Variants in NUS1 observed in about 807,000 individuals in gnomAD.
NUS1 encodes NUS1 dehydrodolichyl diphosphate synthase subunit.
For missense variants in NUS1, 292 were observed against 382.9 expected (o/e 0.76, Z 1.98); for synonymous variants, 135 against 155.2 (o/e 0.87, Z 0.97).
Position 117,694,050 on chromosome 6 carries a change from A to T in NUS1, c.561A>T (p.Ala187=), listed in dbSNP as rs767054326. 28 of 1,604,832 alleles carry T rather than the reference A, an allele frequency of 1.7e-5. No individual in the cohort carries two copies. In the East Asian group the frequency reaches 6.3e-4, roughly 36 times the overall value. The part of the protein sequence containing the change: ...KDDQVLNCHL[A]VKVLSPEDGK... ...TTCCAGTTTTAAATTGCCATTTGGC[A>T]GTGAAGGTGCTGTCTCCGGAAGATG... The change falls in exon 3 of 5, where the codon GCA becomes GCT. Residue 187 remains alanine (A), a synonymous_variant. Transcript: ENST00000368494.
At chr6:117,677,917 A>T (rs1773007309) in intron 1 of NUS1, among the ~76,000 whole-genome samples, 1 of 152,216 alleles carries the variant, frequency 6.6e-6, no homozygotes, top group Non-Finnish European at 1.5e-5. Context: ...TGGTGGATTG[A>T]TGTACAGCCA....
At chr6:117,704,817 G>A (rs1773477729) in intron 4 of NUS1, among the ~76,000 whole-genome samples, 1 of 152,122 alleles carries the variant, frequency 6.6e-6, no homozygotes. Flanking sequence ...AGAAAGTGAA[G>A]GGAATATTCA....
intron 4 of NUS1, 25 bp downstream of exon 4, chr6:117,703,729 TTTG>T (rs1773461477): frequency 6.7e-7 from 1 of 1,502,366 alleles, no homozygotes; most frequent in African/African-American, 1.4e-5. Flanking sequence ...GCGTACTGAC[TTTG>T]TTTAGATTCA....
In NUS1 at chr6:117,706,977, C is replaced by G. The variant is rs150953098; in HGVS notation, c.844C>G (p.Arg282Gly). ...TTATGAGGACTTTTTCTCTGCCCTT[C>G]GTCAATATGCAGCCTGTGAACAGCG... The part of the protein sequence containing the change: ...ISYEDFFSAL[R>G]QYAACEQRLG... The change falls in exon 5 of 5, where the codon CGT becomes GGT. Residue 282 changes from arginine (R) to glycine (G), a missense_variant. By Grantham distance (125) the Arg-to-Gly change is moderately radical. Coordinates refer to ENST00000368494, the MANE Select transcript of NUS1 (RefSeq NM_138459.5). The G allele has an allele frequency of 1.9e-6, 3 of 1,612,836 alleles. No individual in the cohort carries two copies. Among genetic ancestry groups the G allele is most frequent in the Middle Eastern group, 3.3e-4 (2 of 6,054 alleles).
chr6:117,691,487 A>G (rs999711312), intron 1 of NUS1, among the ~76,000 whole-genome samples: 1 of 149,986 alleles, frequency 6.7e-6, no homozygotes, highest in African/African-American at 2.4e-5. Flanking sequence ...TTTTGTAACT[A>G]CTGTTACACA....
intron 2 of NUS1, among the ~76,000 whole-genome samples, chr6:117,693,627 C>T (rs913756696): frequency 2.0e-5 from 3 of 152,116 alleles, no homozygotes; most frequent in African/African-American, 7.2e-5. Flanking sequence ...AATGCATATT[C>T]CACTCTAACA....
chr6:117,680,528 A>T (rs1348731201), intron 1 of NUS1, among the ~76,000 whole-genome samples: 4 of 152,204 alleles, frequency 2.6e-5, no homozygotes, highest in Non-Finnish European at 5.9e-5. Flanking sequence ...TCTGTGAATT[A>T]GTCATTGGGG....
At chr6:117,687,544 C>G (rs1055479966) in intron 1 of NUS1, among the ~76,000 whole-genome samples, 1 of 152,002 alleles carries the variant, frequency 6.6e-6, no homozygotes, top group African/African-American at 2.4e-5. Context: ...TGGGAAAGGC[C>G]TCTTGAAGGT....
chr6:117,692,359 T>C (rs1030045831), intron 1 of NUS1, among the ~76,000 whole-genome samples: 1 of 152,072 alleles, frequency 6.6e-6, no homozygotes, highest in Non-Finnish European at 1.5e-5. Flanking sequence ...CCTTTTTTTT[T>C]AGTCAGAGCT....
intron 1 of NUS1, among the ~76,000 whole-genome samples, chr6:117,682,658 G>A (rs77716001): frequency 0.03 from 4,562 of 152,240 alleles, 85 homozygotes; most frequent in Middle Eastern, 0.061. Context: ...TGAACTTTTA[G>A]TCTGTACTGG....
intron 1 of NUS1, among the ~76,000 whole-genome samples, chr6:117,686,712 G>C (rs2114682201): frequency 6.6e-6 from 1 of 152,138 alleles, no homozygotes; most frequent in East Asian, 1.9e-4. Flanking sequence ...CTTTAGTTTG[G>C]ATCCTAGAAG....
intron 1 of NUS1, among the ~76,000 whole-genome samples, chr6:117,685,443 A>T (rs1399877978): frequency 6.6e-6 from 1 of 151,094 alleles, no homozygotes; most frequent in East Asian, 1.9e-4. Context: ...CAGTGGTGCG[A>T]TCATAGTTAA....
At chr6:117,694,826 A>G (rs1562179698) in intron 3 of NUS1, among the ~76,000 whole-genome samples, 1 of 152,116 alleles carries the variant, frequency 6.6e-6, no homozygotes, top group Non-Finnish European at 1.5e-5. Context: ...CATGTTCATT[A>G]ATAGCTTCTA....
chr6:117,692,373 A>T (rs1773235662), intron 1 of NUS1, among the ~76,000 whole-genome samples: 1 of 151,950 alleles, frequency 6.6e-6, no homozygotes, highest in Admixed American at 6.6e-5. Flanking sequence ...CAGAGCTCTT[A>T]CTAGTTTTAC....
intron 4 of NUS1, among the ~76,000 whole-genome samples, chr6:117,704,806 C>T (rs374112142): frequency 2.0e-5 from 3 of 152,038 alleles, no homozygotes; most frequent in African/African-American, 7.2e-5. Context: ...GAGAGGAAAC[C>T]AGAAAGTGAA....
chr6:117,682,105 T>A (rs1773069697), intron 1 of NUS1, among the ~76,000 whole-genome samples: 2 of 152,300 alleles, frequency 1.3e-5, no homozygotes, highest in East Asian at 1.9e-4. Context: ...GTGCTGGGAT[T>A]ACAGGTGTGA....
intron 3 of NUS1, among the ~76,000 whole-genome samples, chr6:117,699,771 A>C (rs1029954281): frequency 3.9e-5 from 6 of 152,180 alleles, no homozygotes; most frequent in Non-Finnish European, 8.8e-5. Context: ...AGCTATACTT[A>C]TAGTTACCAA....
intron 1 of NUS1, among the ~76,000 whole-genome samples, chr6:117,690,744 C>A (rs1164354519): frequency 6.6e-6 from 1 of 152,080 alleles, no homozygotes; most frequent in African/African-American, 2.4e-5. Context: ...GTAATCCCAG[C>A]ACTTTGGGAG....
chr6:117,698,140 T>C (rs895427710), intron 3 of NUS1, among the ~76,000 whole-genome samples: 14 of 151,886 alleles, frequency 9.2e-5, no homozygotes. Context: ...CCAAAACCTA[T>C]GGGATGCAGC....
Sources: gnomAD v4.1 joint callset for allele counts (sites outside exome capture counted in the v4.1 genomes callset) on GRCh38, gnomAD v4.1.1 for gene constraint, MANE v1.5 for transcripts, NCBI Gene and HGNC (gene_info 2026-07-23, HGNC 2026-07-21) for gene names.